The following TRAM2 variants were observed in gnomAD, a reference collection of about 807,000 sequenced individuals.
TRAM2 encodes the protein translocating chain-associated membrane protein 2.
In TRAM2, 12 loss-of-function variants were observed where a neutral mutation model predicts 51.0. The ratio of observed to expected loss-of-function variants is 0.24; its 90% CI spans 0.15 to 0.38. The LOEUF (loss-of-function observed/expected upper bound fraction) is 0.38, where lower values mean the gene tolerates loss of function less well. Ranked by LOEUF, TRAM2 falls within the 10% of genes least tolerant of loss-of-function variation. TRAM2 has a pLI of 1.00. For missense variants in TRAM2, 361 were observed against 462.0 expected, an observed-to-expected ratio of 0.78 and a Z score of 2.00; for synonymous variants, 175 against 179.4, an observed-to-expected ratio of 0.98 and a Z score of 0.20.
intron 1 of TRAM2, among the ~76,000 whole-genome samples, chr6:52,560,101 G>A (rs1767473556): frequency 6.6e-6 from 1 of 152,062 alleles, no homozygotes. Flanking sequence ...AAATTAGCTG[G>A]GTGTGGTGGT....
rs1767778585 is a variant in TRAM2 at position 52,576,888 on chromosome 6, A to G, written c.28T>C (p.Tyr10His). 6.2e-7 allele frequency: 1 copy of G among 1,613,338 alleles called. No homozygotes were observed. The highest frequency in any genetic ancestry group is 1.7e-5 in the Admixed American group (1 of 59,980). Reference protein sequence around the residue: MAFRRRTKSYPLFSQEFVIH... With the variant: MAFRRRTKSHPLFSQEFVIH... ...ACGAACTCCTGGCTGAAGAGCGGGT[A>G]ACTTTTCGTCCTCCTGCGGAAAGCC... The change falls in exon 1 of 11, where the codon TAC (tyrosine) becomes CAC (histidine). Residue 10 changes from tyrosine to histidine, a missense_variant. Physicochemically the swap from Tyr to His is moderately conservative, Grantham distance 83. Transcript: ENST00000182527.
chr6:52,499,733 C>A lies in TRAM2; in HGVS notation c.*3464G>T, dbSNP rs974322618. On this transcript the variant is annotated 3_prime_UTR_variant, in exon 11 of 11. Transcript: ENST00000182527. ...GAAGGATCTGTGAACGTGGCCAGGGCAGAGGTGTCTATTGGGGTTTCTTAA... is the reference window on the plus strand; with the variant it reads ...GAAGGATCTGTGAACGTGGCCAGGGAAGAGGTGTCTATTGGGGTTTCTTAA... 1.1e-4 allele frequency: 17 copies of A among 152,254 alleles called. No homozygotes were observed. Among genetic ancestry groups the A allele is most frequent in the African/African-American group, 4.1e-4 (17 of 41,424 alleles). 9.4% of individuals were successfully genotyped at this position (152,254 alleles called of 1,614,324 possible).
intron 4 of TRAM2, among the ~76,000 whole-genome samples, chr6:52,510,467 A>G (rs934353855): frequency 6.6e-6 from 1 of 152,348 alleles, no homozygotes. Context: ...CCCAAAAGGC[A>G]CTAGTTATGG....
chr6:52,535,935 T>C lies in TRAM2; in HGVS notation c.121-89A>G, dbSNP rs1482255329. ...GCTGCTAACCGCCCCTTTTACATCT[T>C]AGACCCTCAAACCTCTTGACTGAAC... On this transcript the variant is annotated intron_variant, in intron 1 of 10. Transcript: ENST00000182527. 11 of 1,094,852 alleles carry C rather than the reference T, an allele frequency of 1.0e-5. No individual in the cohort carries two copies. The East Asian group carries it at 1.7e-4, about 17-fold the overall frequency. The allele number at this position is 1,094,852 out of a possible 1,614,324, so 67.8% of individuals were successfully genotyped here. A position where few individuals can be genotyped will look rare whatever the true frequency, so the allele number is the denominator to read the frequency against.
intron 1 of TRAM2, among the ~76,000 whole-genome samples, chr6:52,573,221 C>T (rs911892244): frequency 1.3e-5 from 2 of 152,074 alleles, no homozygotes; most frequent in Non-Finnish European, 2.9e-5. Context: ...CAATTTGAAA[C>T]GTGGCACAGA....
chr6:52,544,185 G>A (rs567532569), intron 1 of TRAM2, among the ~76,000 whole-genome samples: 8 of 152,312 alleles, frequency 5.3e-5, no homozygotes, highest in African/African-American at 1.7e-4. Context: ...AATTCTCACA[G>A]GAAGCCTTCA....
chr6:52,567,174 C>T (rs1581703573), intron 1 of TRAM2, among the ~76,000 whole-genome samples: 1 of 152,216 alleles, frequency 6.6e-6, no homozygotes, highest in East Asian at 1.9e-4. Context: ...AAACCAACAA[C>T]ATTGGTCAAG....
In TRAM2 at chr6:52,502,286, T is replaced by C. The variant is rs1427909454; in HGVS notation, c.*911A>G. ...TATGAACTGCTGTTTGGTTTGGTTT[T>C]GAATGCTTGTGAATGGCTGAAAAAG... On this transcript the variant is annotated 3_prime_UTR_variant, in exon 11 of 11. Coordinates refer to ENST00000182527, the MANE Select transcript of TRAM2 (RefSeq NM_012288.4). The C allele has an allele frequency of 6.6e-6, 1 of 152,292 alleles. No individual in the cohort carries two copies. The highest frequency in any genetic ancestry group is 2.4e-5 in the African/African-American group (1 of 41,472). The allele number at this position is 152,292 out of a possible 1,614,324, so 9.4% of individuals were successfully genotyped here.
intron 2 of TRAM2, among the ~76,000 whole-genome samples, chr6:52,533,272 A>G (rs1057182163): frequency 6.6e-6 from 1 of 152,194 alleles, no homozygotes; most frequent in African/African-American, 2.4e-5. Context: ...AGATTTTACA[A>G]TTTTTTTAAA....
chr6:52,516,212 T>C (rs996770770), intron 3 of TRAM2, 90 bp from the exon 4 acceptor site: 12 of 1,196,116 alleles, frequency 1.0e-5, no homozygotes, highest in Admixed American at 5.7e-5. Flanking sequence ...CACAGAAGGG[T>C]TGAACATCGT....
rs1767775775 is a variant in TRAM2, at chr6:52,576,799, G to A, written c.117C>T (p.Phe39=). 3 of 1,612,368 alleles carry A rather than the reference G, an allele frequency of 1.9e-6. No homozygotes were observed. The highest frequency in any genetic ancestry group is 2.5e-6 in the Non-Finnish European group (3 of 1,179,056). Residue 39 remains phenylalanine, a synonymous_variant, in exon 1 of 11, where the codon TTC becomes TTT. Coordinates refer to ENST00000182527, the MANE Select transcript of TRAM2 (RefSeq NM_012288.4). ...TCCCTCCTCCCCAGGCTCTCACCTCGAACATAAGCCCGATGAGGACGCAGA... is the reference window on the plus strand; with the variant it reads ...TCCCTCCTCCCCAGGCTCTCACCTCAAACATAAGCCCGATGAGGACGCAGA... The part of the protein sequence containing the change: ...LVLCVLIGLM[F]EVTAKTAFLF...
chr6:52,516,293 T>TA (rs1766548147), intron 3 of TRAM2, 171 bp from the exon 4 acceptor site: 1 of 640,528 alleles, frequency 1.6e-6, no homozygotes, highest in Admixed American at 2.8e-5. Context: ...GTGCTTGGTC[T>TA]AAGGCAAGCA....
intron 2 of TRAM2, among the ~76,000 whole-genome samples, chr6:52,518,373 G>A (rs1299443234): frequency 2.0e-5 from 3 of 152,364 alleles, no homozygotes; most frequent in East Asian, 1.9e-4. Context: ...GCTGCTGTGC[G>A]TGGCCTTGTG....
In TRAM2 at chr6:52,556,636, A is replaced by T. The variant is rs917462762; in HGVS notation, c.120+20160T>A. 5.7e-4 allele frequency among the ~76,000 whole-genome samples: 86 copies of T among 149,602 alleles called. 1 individual carries two copies. Among genetic ancestry groups the T allele is most frequent in the African/African-American group, 2.0e-3 (82 of 41,050 alleles). ...GGGTCAGGCAGCAATGTTTGAGTGTAAAAGGTATAGGCCAGGCACAGTGGC... is the reference window on the plus strand; with the variant it reads ...GGGTCAGGCAGCAATGTTTGAGTGTTAAAGGTATAGGCCAGGCACAGTGGC... On this transcript the variant is annotated intron_variant, in intron 1 of 10. Coordinates refer to ENST00000182527, the MANE Select transcript of TRAM2 (RefSeq NM_012288.4).
At chr6:52,531,600 T>C (rs148281428) in intron 2 of TRAM2, among the ~76,000 whole-genome samples, 2 of 152,312 alleles carry the variant, frequency 1.3e-5, no homozygotes, top group East Asian at 3.9e-4. Flanking sequence ...CGCTGGCCTA[T>C]GTACAGTTAC....
At position 52,535,828 on chromosome 6, in the gene TRAM2, A is replaced by C; in HGVS notation, c.139T>G (p.Phe47Val). ...TTATACTGAGGTAAAATAAATAGAA[A>C]GGCAGTCTTGGCTGTGACCTGTAAA... ...LMFEVTAKTA[F>V]LFILPQYNIS... Residue 47 changes from phenylalanine to valine, a missense_variant, in exon 2 of 11, where the codon TTT becomes GTT. By Grantham distance (50) the Phe-to-Val change is conservative. Transcript: ENST00000182527. 1 of 1,614,094 alleles carries C rather than the reference A, an allele frequency of 6.2e-7. No homozygotes were observed.
intron 1 of TRAM2, among the ~76,000 whole-genome samples, chr6:52,554,535 A>AAG (rs1554266174): frequency 6.8e-6 from 1 of 146,626 alleles, no homozygotes; most frequent in Non-Finnish European, 1.5e-5. Flanking sequence ...AAAAAAAAAA[A>AAG]AAAGAAAGAA....
At chr6:52,510,897 G>A (rs1766440200) in intron 4 of TRAM2, among the ~76,000 whole-genome samples, 1 of 152,186 alleles carries the variant, frequency 6.6e-6, no homozygotes, top group Non-Finnish European at 1.5e-5. Flanking sequence ...TCTACCACAA[G>A]CAAGAGTCAG....
At position 52,557,315 on chromosome 6, in the gene TRAM2, G is replaced by GAATT. The variant is rs1232992172; in HGVS notation, c.120+19477_120+19480dup. Among the ~76,000 whole-genome samples the GAATT allele has an allele frequency of 2.0e-5, 3 of 152,282 alleles. No homozygotes were observed. The East Asian group carries it at 5.8e-4, about 29-fold the overall frequency. ...CTTAATGACAGAGACAATACTCATG[G>GAATT]AATTAATTAATTAATATTCAGGTAC... On this transcript the variant is annotated intron_variant, in intron 1 of 10. Coordinates refer to ENST00000182527, the MANE Select transcript of TRAM2 (RefSeq NM_012288.4).
Sources: allele counts gnomAD v4.1 joint callset (sites outside exome capture counted in the v4.1 genomes callset), GRCh38; gene constraint gnomAD v4.1.1; transcripts MANE v1.5; gene names NCBI Gene and HGNC (gene_info 2026-07-23, HGNC 2026-07-21).